Variants in GPBP1 observed in about 807,000 individuals in gnomAD.
The protein encoded by GPBP1 is vasculin.
Under a neutral mutation model 56.5 loss-of-function variants are expected in GPBP1, and 13 were observed. The ratio of observed to expected loss-of-function variants is 0.23; its 90% confidence interval spans 0.15 to 0.37. The LOEUF is 0.37. Ranked by LOEUF, GPBP1 falls within the 10% of genes least tolerant of loss-of-function variation. The probability of loss-of-function intolerance (pLI) is 1.00; values close to 1 mark genes in which losing one functional copy is unlikely to be tolerated. For missense variants in GPBP1, 477 were observed against 572.3 expected, an observed-to-expected ratio of 0.83 and a Z score of 1.70; for synonymous variants, 204 against 188.9, an observed-to-expected ratio of 1.08 and a Z score of -0.66.
chr5:57,227,240 T>G (rs1756237527), intron 3 of GPBP1, among the ~76,000 whole-genome samples: 2 of 151,970 alleles, frequency 1.3e-5, no homozygotes, highest in Non-Finnish European at 2.9e-5. Context: ...TTTAGTGAAT[T>G]TAGTGTATTT....
intron 2 of GPBP1, among the ~76,000 whole-genome samples, chr5:57,182,435 C>T (rs1459515237): frequency 1.3e-5 from 2 of 151,126 alleles, no homozygotes; most frequent in South Asian, 2.1e-4. Flanking sequence ...TGCAGTGGTG[C>T]GATCTCGGTT....
intron 2 of GPBP1, among the ~76,000 whole-genome samples, chr5:57,210,841 G>A (rs904285436): frequency 6.6e-6 from 1 of 152,144 alleles, no homozygotes; most frequent in Non-Finnish European, 1.5e-5. Context: ...CCTTTTATCT[G>A]TGCATGTGTC....
chr5:57,204,844 T>G (rs1381590865), intron 2 of GPBP1, among the ~76,000 whole-genome samples: 1 of 152,196 alleles, frequency 6.6e-6, no homozygotes, highest in African/African-American at 2.4e-5. Flanking sequence ...ACTTAGAAAT[T>G]ATAGAATAAC....
At chr5:57,241,187 A>C (rs1351896825) in intron 6 of GPBP1, among the ~76,000 whole-genome samples, 1 of 152,186 alleles carries the variant, frequency 6.6e-6, no homozygotes, top group African/African-American at 2.4e-5. Flanking sequence ...TGTATGTAGA[A>C]GGTAGCTATA....
chr5:57,258,298 G>A (rs981913419), intron 10 of GPBP1, among the ~76,000 whole-genome samples: 9 of 152,226 alleles, frequency 5.9e-5, no homozygotes, highest in African/African-American at 2.2e-4. Flanking sequence ...GAAACGTGTC[G>A]TTAGGTGATT....
chr5:57,194,116 A>G (rs1754646900), intron 2 of GPBP1, among the ~76,000 whole-genome samples: 1 of 152,150 alleles, frequency 6.6e-6, no homozygotes, highest in South Asian at 2.1e-4. Flanking sequence ...GTGTAAAGTT[A>G]CCTCATTCTT....
In GPBP1 at chr5:57,219,393, A is replaced by AC. The variant is rs1561348196; in HGVS notation, c.63+5200_63+5201insC. On this transcript the variant is annotated intron_variant, in intron 3 of 11. Transcript: ENST00000506184. ...TCTGTCTCAAAAAAAAAAAAAAAAA[A>AC]AAAAAAAAAACCAAAAACAAACAAA... Among the ~76,000 whole-genome samples the AC allele has an allele frequency of 8.4e-3, 528 of 63,210 alleles. 50 individuals are homozygous for AC. Among genetic ancestry groups the AC allele is most frequent in the African/African-American group, 0.034 (342 of 10,186 alleles). 41.5% of individuals were successfully genotyped at this position (63,210 alleles called of 152,430 possible).
At chr5:57,252,715 A>AATTTTTTTTTT (rs1561376026) in intron 10 of GPBP1, among the ~76,000 whole-genome samples, 1 of 140,620 alleles carries the variant, frequency 7.1e-6, no homozygotes, top group Non-Finnish European at 1.6e-5. Flanking sequence ...TTTATTGTAA[A>AATTTTTTTTTT]TTTTTTTTTT....
chr5:57,200,304 A>G (rs1481721474), intron 2 of GPBP1, among the ~76,000 whole-genome samples: 2 of 151,418 alleles, frequency 1.3e-5, no homozygotes, highest in Admixed American at 1.3e-4. Flanking sequence ...TTTTCTGTTT[A>G]ATTAAAACAA....
At chr5:57,235,746 T>A (rs1265762721) in intron 5 of GPBP1, among the ~76,000 whole-genome samples, 1 of 152,226 alleles carries the variant, frequency 6.6e-6, no homozygotes, top group African/African-American at 2.4e-5. Flanking sequence ...CAGCATCCTG[T>A]TTCTGAAAAT....
rs867787084 is a variant in GPBP1 at position 57,232,403 on chromosome 5, A to G, written c.411+1082A>G. 3.3e-5 allele frequency among the ~76,000 whole-genome samples: 5 copies of G among 152,346 alleles called. No individual in the cohort carries two copies. In the South Asian group the frequency reaches 8.3e-4, roughly 25 times the overall value. On this transcript the variant is annotated intron_variant, in intron 5 of 11. Coordinates refer to ENST00000506184, the MANE Select transcript of GPBP1 (RefSeq NM_022913.4). ...CTTAATTATCTGCTAGCTGTAATAA[A>G]GAAATCAACGTACTTTATGTTCTTA...
intron 2 of GPBP1, among the ~76,000 whole-genome samples, chr5:57,197,762 T>C (rs1754830787): frequency 6.6e-6 from 1 of 152,170 alleles, no homozygotes; most frequent in Non-Finnish European, 1.5e-5. Context: ...GAAAAATTCA[T>C]TTATCTTGCT....
chr5:57,217,375 C>T (rs1755742878), intron 3 of GPBP1, among the ~76,000 whole-genome samples: 1 of 151,988 alleles, frequency 6.6e-6, no homozygotes, highest in African/African-American at 2.4e-5. Flanking sequence ...GAGTTTGAGA[C>T]CAGCCTGACC....
At chr5:57,261,369 A>AT in intron 11 of GPBP1, 87 bp downstream of exon 11, 2 of 742,250 alleles carry the variant, frequency 2.7e-6, no homozygotes, top group South Asian at 3.2e-5. Context: ...AGTGGGGGAG[A>AT]TTTAGGAATT....
intron 3 of GPBP1, among the ~76,000 whole-genome samples, chr5:57,222,480 A>G (rs2111809072): frequency 6.6e-6 from 1 of 152,276 alleles, no homozygotes. Flanking sequence ...ATACACCAGA[A>G]TATATTTTTA....
intron 7 of GPBP1, 128 bp from the exon 8 acceptor site, chr5:57,246,947 G>T: frequency 1.5e-6 from 1 of 672,572 alleles, no homozygotes; most frequent in Non-Finnish European, 2.4e-6. Flanking sequence ...GAATAATGCA[G>T]TGTGATACAA....
In GPBP1 at chr5:57,264,189, A is replaced by G. The variant is rs1742019819; in HGVS notation, c.*1437A>G. On this transcript the variant is annotated 3_prime_UTR_variant, in exon 12 of 12. Transcript: ENST00000506184. Reference sequence around the variant, plus strand: ...CAACACACTAGCACACTCCCACAAAACTTGAGGAAGAGTTAGAATGGTAAT... The same window carrying G: ...CAACACACTAGCACACTCCCACAAAGCTTGAGGAAGAGTTAGAATGGTAAT... 2.0e-5 allele frequency: 3 copies of G among 152,106 alleles called. No individual in the cohort carries two copies. The highest frequency in any genetic ancestry group is 7.2e-5 in the African/African-American group (3 of 41,418). The allele number at this position is 152,106 out of a possible 1,614,324, so 9.4% of individuals were successfully genotyped here. A position where few individuals can be genotyped will look rare whatever the true frequency, so the allele number is the denominator to read the frequency against.
chr5:57,240,958 T>TAA lies in GPBP1; in HGVS notation c.478+4939_478+4940dup, dbSNP rs78151789. 1.5e-3 allele frequency among the ~76,000 whole-genome samples: 223 copies of TAA among 144,146 alleles called. 1 individual carries two copies. The highest frequency in any genetic ancestry group is 2.0e-3 in the Non-Finnish European group (132 of 65,506). The allele number at this position is 144,146 out of a possible 152,430, so 94.6% of individuals were successfully genotyped here. On this transcript the variant is annotated intron_variant, in intron 6 of 11. Transcript: ENST00000506184. Reference sequence around the variant, plus strand: ...CAAGAGCGAAACTCTGTCTCCCATTTAAAAAAAAAAAAAAGGCATTGTTAA... The same window carrying TAA: ...CAAGAGCGAAACTCTGTCTCCCATTTAAAAAAAAAAAAAAAAGGCATTGTTAA...
chr5:57,201,470 A>AG (rs1472698876), intron 2 of GPBP1, among the ~76,000 whole-genome samples: 3 of 152,146 alleles, frequency 2.0e-5, no homozygotes, highest in Non-Finnish European at 4.4e-5. Flanking sequence ...TATAGGCGTG[A>AG]GCCACTGCAT....
Sources: allele counts gnomAD v4.1 joint callset (sites outside exome capture counted in the v4.1 genomes callset), GRCh38; gene constraint gnomAD v4.1.1; transcripts MANE v1.5; gene names NCBI Gene and HGNC (gene_info 2026-07-23, HGNC 2026-07-21).